The following ST6GALNAC3 variants were observed in gnomAD, a reference collection of about 807,000 sequenced individuals.
ST6GALNAC3 encodes the protein alpha-N-acetylgalactosaminide alpha-2,6-sialyltransferase 3.
ST6GALNAC3 carries 25 observed loss-of-function variants against 32.7 expected under a neutral mutation model. The ratio of observed to expected loss-of-function variants is 0.76; its 90% CI spans 0.56 to 1.07. ST6GALNAC3 has a LOEUF of 1.07. ST6GALNAC3 is among the 50% of genes least tolerant of loss of function. The pLI, the probability that ST6GALNAC3 is intolerant of heterozygous loss-of-function variation, is 0.00. For synonymous variants in ST6GALNAC3, 129 were observed against 133.1 expected, an observed-to-expected ratio of 0.97 and a Z score of 0.21; for missense variants, 355 against 382.4, an observed-to-expected ratio of 0.93 and a Z score of 0.60.
At chr1:76,235,480 C>T (rs1656600269) in intron 1 of ST6GALNAC3, among the ~76,000 whole-genome samples, 1 of 151,844 alleles carries the variant, frequency 6.6e-6, no homozygotes, top group Non-Finnish European at 1.5e-5. Context: ...GCACTCCAGC[C>T]TGGGCAACAG....
chr1:76,192,506 A>T (rs1036056668), intron 1 of ST6GALNAC3, among the ~76,000 whole-genome samples: 1 of 152,190 alleles, frequency 6.6e-6, no homozygotes, highest in Non-Finnish European at 1.5e-5. Context: ...ATATTTTATT[A>T]TCTCAACCCA....
intron 1 of ST6GALNAC3, among the ~76,000 whole-genome samples, chr1:76,128,555 T>A (rs1649403173): frequency 6.6e-6 from 1 of 152,186 alleles, no homozygotes; most frequent in East Asian, 1.9e-4. Context: ...GAGCAATGGC[T>A]GCTTCCCCGA....
At chr1:76,386,103 A>G (rs1402777125) in intron 2 of ST6GALNAC3, among the ~76,000 whole-genome samples, 1 of 152,022 alleles carries the variant, frequency 6.6e-6, no homozygotes, top group Non-Finnish European at 1.5e-5. Flanking sequence ...GTCTACAGAT[A>G]TGTAAGCAAC....
chr1:76,404,451 G>A (rs1020718359), intron 2 of ST6GALNAC3, among the ~76,000 whole-genome samples: 7 of 151,994 alleles, frequency 4.6e-5, no homozygotes, highest in African/African-American at 1.7e-4. Context: ...TGAAACACGG[G>A]AAAAATTAAA....
chr1:76,122,229 T>C (rs1170928916), intron 1 of ST6GALNAC3, among the ~76,000 whole-genome samples: 1 of 152,210 alleles, frequency 6.6e-6, no homozygotes, highest in South Asian at 2.1e-4. Flanking sequence ...TCAATGAGTA[T>C]GTAGAGGAAA....
intron 3 of ST6GALNAC3, among the ~76,000 whole-genome samples, chr1:76,437,358 G>A (rs1656211369): frequency 1.3e-5 from 2 of 152,152 alleles, no homozygotes; most frequent in African/African-American, 2.4e-5. Flanking sequence ...AATGTGAGCA[G>A]CTCTGTTAGG....
intron 2 of ST6GALNAC3, among the ~76,000 whole-genome samples, chr1:76,405,827 A>T (rs1653790024): frequency 6.6e-6 from 1 of 151,980 alleles, no homozygotes; most frequent in Admixed American, 6.6e-5. Context: ...TAAGCATATC[A>T]TGGTAAATTG....
chr1:76,362,594 A>G (rs1191655685), intron 2 of ST6GALNAC3, among the ~76,000 whole-genome samples: 1 of 152,250 alleles, frequency 6.6e-6, no homozygotes, highest in Non-Finnish European at 1.5e-5. Flanking sequence ...CTTCCAAGAT[A>G]CAATGGGGTT....
intron 3 of ST6GALNAC3, among the ~76,000 whole-genome samples, chr1:76,546,875 G>C (rs543098135): frequency 6.6e-6 from 1 of 152,324 alleles, no homozygotes; most frequent in African/African-American, 2.4e-5. Context: ...TTCATTACTA[G>C]GGAAGCTCAG....
Position 76,615,508 on chromosome 1 carries a change from CAT to C in ST6GALNAC3, c.624-11942_624-11941del, listed in dbSNP as rs763345124. On this transcript the variant is annotated intron_variant, in intron 3 of 4. Transcript: ENST00000328299. The stretch of plus-strand genomic sequence containing the variant: ...CAGTCAGAATTTCAGGGTTCAGAAA[CAT>C]AGGCCTAAAGTGTTATCACCAAGTG... Among the ~76,000 whole-genome samples the C allele has an allele frequency of 3.3e-5, 5 of 152,314 alleles. No individual in the cohort carries two copies. In the East Asian group the frequency reaches 7.7e-4, roughly 24 times the overall value.
intron 3 of ST6GALNAC3, among the ~76,000 whole-genome samples, chr1:76,514,473 T>C (rs1464710385): frequency 6.6e-6 from 1 of 152,148 alleles, no homozygotes; most frequent in Non-Finnish European, 1.5e-5. Context: ...GTTTTGGTTA[T>C]GGGACAGATC....
At chr1:76,597,440 C>T (rs1247865740) in intron 3 of ST6GALNAC3, among the ~76,000 whole-genome samples, 3 of 151,972 alleles carry the variant, frequency 2.0e-5, no homozygotes, top group Admixed American at 2.0e-4. Context: ...AATGCCTGTG[C>T]CCCCAAAAAT....
At chr1:76,526,528 A>G (rs994342954) in intron 3 of ST6GALNAC3, among the ~76,000 whole-genome samples, 2 of 151,992 alleles carry the variant, frequency 1.3e-5, no homozygotes, top group South Asian at 2.1e-4. Flanking sequence ...TTGATTTTTT[A>G]TCTTGTTGAC....
At chr1:76,350,307 G>A (rs537775992) in intron 2 of ST6GALNAC3, among the ~76,000 whole-genome samples, 6 of 152,112 alleles carry the variant, frequency 3.9e-5, no homozygotes, top group East Asian at 1.9e-4. Flanking sequence ...GATGACAGGC[G>A]CACATCACTG....
At chr1:76,382,726 G>A (rs12140509) in intron 2 of ST6GALNAC3, among the ~76,000 whole-genome samples, 1 of 152,108 alleles carries the variant, frequency 6.6e-6, no homozygotes, top group Admixed American at 6.6e-5. Context: ...TAGACTCTAA[G>A]GGATTATAAA....
At chr1:76,512,225 A>T (rs1028781118) in intron 3 of ST6GALNAC3, among the ~76,000 whole-genome samples, 1 of 152,176 alleles carries the variant, frequency 6.6e-6, no homozygotes, top group African/African-American at 2.4e-5. Flanking sequence ...AATAGAATAA[A>T]ACTATGTGAA....
intron 3 of ST6GALNAC3, among the ~76,000 whole-genome samples, chr1:76,594,922 C>T (rs1226740026): frequency 1.3e-5 from 2 of 152,106 alleles, no homozygotes; most frequent in African/African-American, 2.4e-5. Context: ...CCTGTTTTCC[C>T]TATTATTAGC....
chr1:76,605,164 G>C (rs183265255), intron 3 of ST6GALNAC3, among the ~76,000 whole-genome samples: 1 of 152,270 alleles, frequency 6.6e-6, no homozygotes, highest in East Asian at 1.9e-4. Context: ...ATACATGGAG[G>C]GCCAACAGAT....
intron 1 of ST6GALNAC3, among the ~76,000 whole-genome samples, chr1:76,200,603 G>A (rs1358337983): frequency 6.6e-6 from 1 of 152,148 alleles, no homozygotes; most frequent in Non-Finnish European, 1.5e-5. Flanking sequence ...ACAAGCCCTT[G>A]TACATAAATT....
Sources: gnomAD v4.1 joint callset for allele counts (sites outside exome capture counted in the v4.1 genomes callset) on GRCh38, gnomAD v4.1.1 for gene constraint, MANE v1.5 for transcripts, NCBI Gene and HGNC (gene_info 2026-07-23, HGNC 2026-07-21) for gene names.